The following PALM2AKAP2 variants were observed in gnomAD, a reference collection of about 807,000 sequenced individuals.
PALM2AKAP2 encodes the protein PALM2 and AKAP2 fusion.
Under a neutral mutation model 71.5 loss-of-function variants are expected in PALM2AKAP2, and 37 were observed. That is an observed-to-expected ratio of 0.52 (90% CI 0.40 to 0.68). The LOEUF is 0.68. Ranked by LOEUF, PALM2AKAP2 falls within the 30% of genes least tolerant of loss-of-function variation. The pLI, the probability that PALM2AKAP2 is intolerant of heterozygous loss-of-function variation, is 0.00. For missense variants in PALM2AKAP2, 1,224 were observed against 1,191.8 expected, an observed-to-expected ratio of 1.03 and a Z score of -0.40; for synonymous variants, 468 against 478.8, an observed-to-expected ratio of 0.98 and a Z score of 0.29.
At chr9:109,957,660 C>T (rs527941337) in intron 6 of PALM2AKAP2, among the ~76,000 whole-genome samples, 1 of 152,218 alleles carries the variant, frequency 6.6e-6, no homozygotes, top group East Asian at 1.9e-4. Context: ...CCTATTAATT[C>T]TCCCAGGAAG....
At chr9:109,831,957 G>T (rs186110558) in intron 1 of PALM2AKAP2, among the ~76,000 whole-genome samples, 349 of 152,268 alleles carry the variant, frequency 2.3e-3, no homozygotes, top group Middle Eastern at 6.8e-3. Flanking sequence ...GAATTCTAAA[G>T]TCACACACTG....
chr9:109,981,796 C>A (rs1832276570), intron 6 of PALM2AKAP2, among the ~76,000 whole-genome samples: 1 of 151,950 alleles, frequency 6.6e-6, no homozygotes, highest in South Asian at 2.1e-4. Flanking sequence ...ACCTAAAAAA[C>A]ACGCAATAAC....
At chr9:109,694,534 A>G (rs578057630) in intron 1 of PALM2AKAP2, among the ~76,000 whole-genome samples, 19 of 152,218 alleles carry the variant, frequency 1.2e-4, no homozygotes, top group African/African-American at 4.6e-4. Flanking sequence ...TACATGAAGA[A>G]ATCTTCAAAA....
intron 1 of PALM2AKAP2, among the ~76,000 whole-genome samples, chr9:109,843,312 A>AAAG (rs1828759502): frequency 6.6e-6 from 1 of 150,846 alleles, no homozygotes; most frequent in South Asian, 2.1e-4. Context: ...AAAAAAAAAA[A>AAAG]AAAAAAAAAA....
intron 1 of PALM2AKAP2, among the ~76,000 whole-genome samples, chr9:109,834,359 A>C (rs1463878460): frequency 6.6e-6 from 1 of 152,234 alleles, no homozygotes; most frequent in Non-Finnish European, 1.5e-5. Flanking sequence ...GGGATTTAAG[A>C]AGCATTTTAA....
exon 4 of PALM2AKAP2, chr9:110,170,972 T>C (rs918765271): frequency 2.0e-5 from 3 of 152,368 alleles, no homozygotes; most frequent in Admixed American, 6.5e-5. Flanking sequence ...GTTCTATGGG[T>C]TGCCCAAAAA....
At chr9:110,152,771 T>A (rs1315103389) in intron 2 of PALM2AKAP2, among the ~76,000 whole-genome samples, 1 of 152,234 alleles carries the variant, frequency 6.6e-6, no homozygotes, top group African/African-American at 2.4e-5. Flanking sequence ...TCCAGCCTTT[T>A]GGCAGCCTGT....
At chr9:109,835,270 AG>A (rs1207016428) in intron 1 of PALM2AKAP2, among the ~76,000 whole-genome samples, 1 of 64,972 alleles carries the variant, frequency 1.5e-5, no homozygotes, top group Non-Finnish European at 2.9e-5. Flanking sequence ...GGAAGAGGAG[AG>A]GGTGGAGAGG....
intron 1 of PALM2AKAP2, among the ~76,000 whole-genome samples, chr9:109,682,479 G>A (rs764449613): frequency 3.3e-5 from 5 of 152,126 alleles, no homozygotes; most frequent in Non-Finnish European, 7.3e-5. Flanking sequence ...TGAGTAGAAA[G>A]GGCTTACAGG....
intron 6 of PALM2AKAP2, among the ~76,000 whole-genome samples, chr9:109,982,844 G>C (rs1230221272): frequency 6.6e-6 from 1 of 152,138 alleles, no homozygotes; most frequent in Non-Finnish European, 1.5e-5. Context: ...GGTTGGTCTT[G>C]AACTCCTGAT....
intron 1 of PALM2AKAP2, 80 bp downstream of exon 1, chr9:109,780,613 A>G: frequency 1.3e-6 from 2 of 1,579,200 alleles, no homozygotes; most frequent in African/African-American, 1.3e-5. Context: ...GGCAAGCGGC[A>G]TGCCAGCACA....
At chr9:110,029,801 A>G (rs1442167073) in intron 7 of PALM2AKAP2, among the ~76,000 whole-genome samples, 1 of 152,142 alleles carries the variant, frequency 6.6e-6, no homozygotes, top group Non-Finnish European at 1.5e-5. Context: ...TAGGCAGGGA[A>G]CCAGTTTGTC....
chr9:110,121,795 G>C (rs1382394679), intron 1 of PALM2AKAP2, among the ~76,000 whole-genome samples: 2 of 152,202 alleles, frequency 1.3e-5, no homozygotes, highest in Non-Finnish European at 2.9e-5. Flanking sequence ...CTCAGCAAAA[G>C]TATCACCTGG....
chr9:109,728,447 G>A (rs1049239299), intron 1 of PALM2AKAP2, among the ~76,000 whole-genome samples: 1 of 152,192 alleles, frequency 6.6e-6, no homozygotes, highest in South Asian at 2.1e-4. Flanking sequence ...CACACAGAAG[G>A]AAGAAGTAAA....
intron 1 of PALM2AKAP2, among the ~76,000 whole-genome samples, chr9:110,063,346 G>T (rs1450618281): frequency 6.6e-6 from 1 of 152,110 alleles, no homozygotes; most frequent in Non-Finnish European, 1.5e-5. Context: ...GTGAGGAGAG[G>T]TTCTGTTCTA....
At chr9:109,767,114 A>G (rs963527727) in intron 1 of PALM2AKAP2, among the ~76,000 whole-genome samples, 3 of 152,200 alleles carry the variant, frequency 2.0e-5, no homozygotes, top group Middle Eastern at 3.2e-3. Flanking sequence ...AGAGAAATGC[A>G]GTGATTTTCT....
At chr9:109,667,785 C>T (rs1827510617) in intron 1 of PALM2AKAP2, among the ~76,000 whole-genome samples, 1 of 151,980 alleles carries the variant, frequency 6.6e-6, no homozygotes, top group South Asian at 2.1e-4. Context: ...GGAGTGAGAC[C>T]CTGTCTCACA....
At chr9:109,707,831 G>A (rs927807406) in intron 1 of PALM2AKAP2, among the ~76,000 whole-genome samples, 4 of 152,104 alleles carry the variant, frequency 2.6e-5, no homozygotes, top group African/African-American at 9.7e-5. Flanking sequence ...TACTTATTTA[G>A]TGACTACTTT....
chr9:110,168,661 A>C, exon 4 of PALM2AKAP2: 14 of 840,834 alleles, frequency 1.7e-5, no homozygotes, highest in Admixed American at 3.4e-5. Context: ...ATGAAACGAA[A>C]AGGAAGTCCC....
Sources: allele counts gnomAD v4.1 joint callset (sites outside exome capture counted in the v4.1 genomes callset), GRCh38; gene constraint gnomAD v4.1.1; transcripts MANE v1.5; gene names NCBI Gene and HGNC (gene_info 2026-07-23, HGNC 2026-07-21).